SPTLC2: variants seen among roughly 807,000 people sequenced by gnomAD.
The protein encoded by SPTLC2 is serine palmitoyltransferase 2.
A neutral mutation model predicts 62.0 loss-of-function variants in SPTLC2; 21 were observed. The observed-to-expected ratio is 0.34, with a 90% CI of 0.24 to 0.49. SPTLC2 has a LOEUF of 0.49. Among genes scored for constraint, SPTLC2 ranks in the 20% least tolerant of loss-of-function variants. The pLI, the probability that SPTLC2 is intolerant of heterozygous loss-of-function variation, is 0.99. For missense variants in SPTLC2, 511 were observed against 713.0 expected (o/e 0.72, Z 3.23); for synonymous variants, 261 against 261.8 (o/e 1.00, Z 0.03).
chr14:77,600,651 A>G (rs1273752844), intron 1 of SPTLC2, among the ~76,000 whole-genome samples: 1 of 152,236 alleles, frequency 6.6e-6, no homozygotes, highest in Non-Finnish European at 1.5e-5. Context: ...GTCTGTTCAC[A>G]GTCTGTTCAC....
At chr14:77,534,588 T>TACACACACACACACACACACAC (rs1555373993) in intron 9 of SPTLC2, among the ~76,000 whole-genome samples, 18,746 of 140,502 alleles carry the variant, frequency 0.13, 1,394 homozygotes, top group East Asian at 0.2. Flanking sequence ...CATATTTCAG[T>TACACACACACACACACACACAC]ACACACACAC....
chr14:77,562,558 T>C (rs951877513), intron 5 of SPTLC2, 69 bp from the exon 6 acceptor site: 1 of 1,222,176 alleles, frequency 8.2e-7, no homozygotes, highest in Admixed American at 1.8e-5. Context: ...AATCACAAAA[T>C]GCCACAAACA....
At chr14:77,529,412 C>G (rs974383834) in intron 9 of SPTLC2, among the ~76,000 whole-genome samples, 1 of 151,230 alleles carries the variant, frequency 6.6e-6, no homozygotes, top group Admixed American at 6.6e-5. Flanking sequence ...AAAACTGGAA[C>G]TTATATCTTA....
intron 9 of SPTLC2, among the ~76,000 whole-genome samples, chr14:77,546,832 C>T (rs1286187681): frequency 1.1e-4 from 16 of 152,064 alleles, no homozygotes; most frequent in Admixed American, 9.2e-4. Flanking sequence ...TGTGTTCAAG[C>T]AATTCTCCTG....
At chr14:77,573,236 T>A (rs1055116207) in intron 4 of SPTLC2, among the ~76,000 whole-genome samples, 4 of 152,028 alleles carry the variant, frequency 2.6e-5, no homozygotes, top group Non-Finnish European at 5.9e-5. Flanking sequence ...GGTACAAATA[T>A]AGAGTTAGAA....
chr14:77,557,797 C>G (rs939643265), intron 6 of SPTLC2, among the ~76,000 whole-genome samples: 1 of 152,140 alleles, frequency 6.6e-6, no homozygotes, highest in African/African-American at 2.4e-5. Flanking sequence ...CATAAACAAC[C>G]AAGTTCTTGT....
intron 5 of SPTLC2, among the ~76,000 whole-genome samples, chr14:77,567,115 C>T (rs952726338): frequency 8.5e-5 from 13 of 152,072 alleles, no homozygotes; most frequent in Admixed American, 5.9e-4. Context: ...GGACTACAGG[C>T]ACCCGCCACC....
chr14:77,542,879 G>A (rs1010040547), intron 9 of SPTLC2, among the ~76,000 whole-genome samples: 1 of 152,102 alleles, frequency 6.6e-6, no homozygotes, highest in South Asian at 2.1e-4. Context: ...AGCAGCAGGG[G>A]CAAGCTTAAA....
chr14:77,607,979 A>G (rs2079913732), intron 1 of SPTLC2, among the ~76,000 whole-genome samples: 1 of 152,190 alleles, frequency 6.6e-6, no homozygotes, highest in African/African-American at 2.4e-5. Flanking sequence ...GTGAGAAAAG[A>G]GCAGAGGAAA....
intron 1 of SPTLC2, among the ~76,000 whole-genome samples, chr14:77,601,558 A>G (rs1338822331): frequency 1.3e-5 from 2 of 152,126 alleles, no homozygotes; most frequent in Admixed American, 1.3e-4. Flanking sequence ...GGGTCTCTTC[A>G]CATGCACACG....
At chr14:77,529,610 TTC>T (rs1491078726) in intron 9 of SPTLC2, among the ~76,000 whole-genome samples, 1 of 117,746 alleles carries the variant, frequency 8.5e-6, no homozygotes, top group Non-Finnish European at 1.7e-5. Flanking sequence ...GGAAAGCAAT[TTC>T]TTTCTTTCTT....
At chr14:77,534,216 A>ACACGCACG (rs1555373967) in intron 9 of SPTLC2, among the ~76,000 whole-genome samples, 1 of 146,478 alleles carries the variant, frequency 6.8e-6, no homozygotes, top group Non-Finnish European at 1.5e-5. Flanking sequence ...ACACACACAC[A>ACACGCACG]CACAAATGCA....
chr14:77,590,206 C>A (rs567685820), intron 2 of SPTLC2, among the ~76,000 whole-genome samples: 5 of 152,090 alleles, frequency 3.3e-5, no homozygotes, highest in African/African-American at 1.2e-4. Flanking sequence ...CAAACTCCTG[C>A]GCTCAAGCTA....
chr14:77,554,024 GC>G (rs1400739815), intron 8 of SPTLC2, among the ~76,000 whole-genome samples: 3 of 152,056 alleles, frequency 2.0e-5, no homozygotes, highest in Non-Finnish European at 2.9e-5. Flanking sequence ...TCACTATGTT[GC>G]CCAGCTGGTA....
chr14:77,559,943 A>AG (rs2079605902), intron 6 of SPTLC2, among the ~76,000 whole-genome samples: 1 of 152,162 alleles, frequency 6.6e-6, no homozygotes, highest in South Asian at 2.1e-4. Context: ...ATTAATATAA[A>AG]GGGCTCTTAT....
chr14:77,521,431 T>G lies in SPTLC2; in HGVS notation c.1439+15A>C. The G allele has an allele frequency of 6.2e-7, 1 of 1,614,184 alleles. No individual in the cohort carries two copies. The highest frequency in any genetic ancestry group is 8.5e-7 in the Non-Finnish European group (1 of 1,180,024). On this transcript the variant is annotated intron_variant, in intron 10 of 11. Coordinates refer to ENST00000216484, the MANE Select transcript of SPTLC2 (RefSeq NM_004863.4). Reference sequence around the variant, plus strand: ...GATAAGGACAGACTGGTCTGTGATCTGCAACAAAACGTACCCAATTTTGGC... The same window carrying G: ...GATAAGGACAGACTGGTCTGTGATCGGCAACAAAACGTACCCAATTTTGGC...
At chr14:77,602,839 G>A (rs1264540749) in intron 1 of SPTLC2, among the ~76,000 whole-genome samples, 1 of 152,086 alleles carries the variant, frequency 6.6e-6, no homozygotes, top group Non-Finnish European at 1.5e-5. Context: ...CTCTCAAACT[G>A]CTGGGATTAC....
chr14:77,588,511 C>T (rs2079795427), intron 2 of SPTLC2, among the ~76,000 whole-genome samples: 1 of 144,242 alleles, frequency 6.9e-6, no homozygotes. Flanking sequence ...GGCAACAAGG[C>T]GAAACCCTGT....
intron 8 of SPTLC2, among the ~76,000 whole-genome samples, chr14:77,552,801 G>A (rs1209480818): frequency 1.1e-5 from 1 of 92,166 alleles, no homozygotes. Context: ...GTGAGACTCC[G>A]TCTTAAAAAA....
Sources: gnomAD v4.1 joint callset for allele counts (sites outside exome capture counted in the v4.1 genomes callset) on GRCh38, gnomAD v4.1.1 for gene constraint, MANE v1.5 for transcripts, NCBI Gene and HGNC (gene_info 2026-07-23, HGNC 2026-07-21) for gene names.